Variants in EPHX3 observed in about 807,000 individuals in gnomAD.
EPHX3 encodes epoxide hydrolase 3.
EPHX3 carries 39 observed loss-of-function variants against 40.2 expected under a neutral mutation model. The observed-to-expected ratio is 0.97, with a 90% CI of 0.75 to 1.27. The LOEUF is 1.27. EPHX3 is among the 50% of genes most tolerant of loss of function. The pLI is 0.00. For synonymous variants in EPHX3, 213 were observed against 209.7 expected (o/e 1.02, Z -0.14); for missense variants, 442 against 474.0 (o/e 0.93, Z 0.63).
rs563425133 is a variant in EPHX3 at position 15,231,358 on chromosome 19, C to T, written c.368G>A (p.Arg123His). Residue 123 changes from arginine to histidine, a missense_variant, in exon 3 of 7, where the codon CGC becomes CAC. Coordinates refer to ENST00000221730, the MANE Select transcript of EPHX3 (RefSeq NM_024794.3). ...WRYQLREFQS[R>H]FHVVAVDLRG... ...CAAGTCCACAGCCACAACATGGAAG[C>T]GGCTCTGGAACTCCCGGAGCTGGTA... The T allele has an allele frequency of 2.3e-5, 37 of 1,613,772 alleles. No individual in the cohort carries two copies. Among genetic ancestry groups the T allele is most frequent in the African/African-American group, 8.0e-5 (6 of 74,890 alleles).
upstream of EPHX3, among the ~76,000 whole-genome samples, chr19:15,234,245 A>G (rs2047175523): frequency 6.6e-6 from 1 of 152,226 alleles, no homozygotes; most frequent in South Asian, 2.1e-4. Context: ...ATTTGCCTGA[A>G]GACATACATC....
In EPHX3 at chr19:15,227,281, A is replaced by T; in HGVS notation, c.*156T>A. On this transcript the variant is annotated 3_prime_UTR_variant, in exon 7 of 7. Transcript: ENST00000221730. ...GGTTGGTGTGTCCCGAGGCACCCAT[A>T]GGTGCGCTTGTGTGGGATCCAGGAG... 1.6e-6 allele frequency: 1 copy of T among 644,622 alleles called. No homozygotes were observed. The highest frequency in any genetic ancestry group is 1.8e-5 in the South Asian group (1 of 54,222). 39.9% of individuals were successfully genotyped at this position (644,622 alleles called of 1,614,324 possible). A position where few individuals can be genotyped will look rare whatever the true frequency, so the allele number is the denominator to read the frequency against.
At position 15,227,545 on chromosome 19, in the gene EPHX3, GC is replaced by G. The variant is rs2047120969; in HGVS notation, c.974del (p.Gly325AlafsTer11). ...VEAIGSRFVP[G>X]RLEAHILPGI... ...CTGGCAGGATGTGGGCCTCCAAGCG[GC>G]CCGGCACAAAGCGGCTGCCGATGGC... On this transcript the variant is annotated frameshift_variant, in exon 7 of 7. Transcript: ENST00000221730. LOFTEE classifies it high-confidence loss of function. 1 of 1,613,946 alleles carries G rather than the reference GC, an allele frequency of 6.2e-7. No individual in the cohort carries two copies. The highest frequency in any genetic ancestry group is 1.3e-5 in the African/African-American group (1 of 74,924).
At chr19:15,228,625 T>A (rs1260761636) in intron 4 of EPHX3, among the ~76,000 whole-genome samples, 1 of 147,580 alleles carries the variant, frequency 6.8e-6, no homozygotes. Context: ...TTCACGCCAT[T>A]CTCCTGCCTC....
chr19:15,232,443 A>T lies in EPHX3; in HGVS notation c.-232T>A, dbSNP rs529104456. The T allele has an allele frequency of 7.5e-7, 1 of 1,340,680 alleles. No individual in the cohort carries two copies. The highest frequency in any genetic ancestry group is 9.5e-7 in the Non-Finnish European group (1 of 1,052,524). 83.0% of individuals were successfully genotyped at this position (1,340,680 alleles called of 1,614,324 possible). A position where few individuals can be genotyped will look rare whatever the true frequency, so the allele number is the denominator to read the frequency against. On this transcript the variant is annotated 5_prime_UTR_variant, in exon 1 of 7. Coordinates refer to ENST00000221730, the MANE Select transcript of EPHX3 (RefSeq NM_024794.3). Reference sequence around the variant, plus strand: ...CCTGGGCGCGACAGGGACAGGAAACAAGGGTAGGGTGCGGAGGCTGGGGAG... The same window carrying T: ...CCTGGGCGCGACAGGGACAGGAAACTAGGGTAGGGTGCGGAGGCTGGGGAG...
In EPHX3 at chr19:15,227,534, G is replaced by A; in HGVS notation, c.986C>T (p.Ala329Val). Residue 329 changes from alanine (A) to valine (V), a missense_variant, in exon 7 of 7, where the codon GCC becomes GTC. Ala to Val is a moderately conservative substitution (Grantham distance 64). Transcript: ENST00000221730. ...ATGCCCTATGCCTGGCAGGATGTGG[G>A]CCTCCAAGCGGCCCGGCACAAAGCG... ...GSRFVPGRLE[A>V]HILPGIGHWI... 1.1e-5 allele frequency: 17 copies of A among 1,614,076 alleles called. No individual in the cohort carries two copies. Among genetic ancestry groups the A allele is most frequent in the Non-Finnish European group, 1.4e-5 (17 of 1,180,040 alleles).
upstream of EPHX3, among the ~76,000 whole-genome samples, chr19:15,235,266 A>G (rs1461146140): frequency 2.0e-5 from 3 of 151,824 alleles, no homozygotes; most frequent in Admixed American, 2.0e-4. Flanking sequence ...CCGGCCTCCC[A>G]AAAGTGCTGG....
rs1422770362 is a variant in EPHX3 at position 15,232,128 on chromosome 19, C to G, written c.84G>C (p.Val28=). The part of the protein sequence containing the change: ...KLLRAFMWSL[V]FSVALVAAAV... ...CCGCGGCCACCAGCGCCACCGAGAA[C>G]ACCAGGCTCCACATGAAGGCGCGCA... is the stretch of plus-strand genomic sequence containing the variant. The change falls in exon 1 of 7, where the codon GTG becomes GTC. Residue 28 remains valine (V), a synonymous_variant. Coordinates refer to ENST00000221730, the MANE Select transcript of EPHX3 (RefSeq NM_024794.3). The G allele has an allele frequency of 1.9e-6, 3 of 1,541,614 alleles. No homozygotes were observed. The Admixed American group carries it at 5.8e-5, about 30-fold the overall frequency.
chr19:15,231,318 G>A lies in EPHX3; in HGVS notation c.408C>T (p.Pro136=). Residue 136 remains proline, a synonymous_variant, in exon 3 of 7, where the codon CCC becomes CCT. Coordinates refer to ENST00000221730, the MANE Select transcript of EPHX3 (RefSeq NM_024794.3). ...AGTCCACATCCCGAGGTGCATCCGA[G>A]GGGCCATAGCCTCGCAAGTCCACAG... ...VVAVDLRGYG[P]SDAPRDVDCY... 1.2e-6 allele frequency: 2 copies of A among 1,613,974 alleles called. No homozygotes were observed. The highest frequency in any genetic ancestry group is 1.3e-5 in the African/African-American group (1 of 75,016).
intron 4 of EPHX3, among the ~76,000 whole-genome samples, chr19:15,228,809 G>A (rs1042494744): frequency 2.6e-5 from 4 of 151,518 alleles, no homozygotes; most frequent in Non-Finnish European, 5.9e-5. Flanking sequence ...GTGAACCACC[G>A]CACCCGGCCT....
At chr19:15,229,907 A>AAAAAAAAGAAAAG (rs1203339827) in intron 4 of EPHX3, among the ~76,000 whole-genome samples, 1 of 140,184 alleles carries the variant, frequency 7.1e-6, no homozygotes, top group East Asian at 2.0e-4. Context: ...AAAAAAAAAA[A>AAAAAAAAGAAAAG]AAAAGAAAAG....
upstream of EPHX3, among the ~76,000 whole-genome samples, chr19:15,234,004 GAGCTGAGATTGCGC>G (rs2047173434): frequency 6.6e-6 from 1 of 151,280 alleles, no homozygotes; most frequent in African/African-American, 2.4e-5. Flanking sequence ...AGGTTGCAGT[GAGCTGAGATTGCGC>G]CACTGCACTC....
In EPHX3 at chr19:15,231,793, G is replaced by A; in HGVS notation, c.312C>T (p.His104=). 1.9e-6 allele frequency: 3 copies of A among 1,613,932 alleles called. No homozygotes were observed. Among genetic ancestry groups the A allele is most frequent in the East Asian group, 2.2e-5 (1 of 44,866 alleles). ...RGNGPLMLFL[H]GFPENWFSWR... ...AGACGTACCAGTTCTCAGGGAAGCC[G>A]TGCAGAAACAGCATGAGGGGTCCGT... The change falls in exon 2 of 7, where the codon CAC becomes CAT. Residue 104 remains histidine (H), a synonymous_variant. Coordinates refer to ENST00000221730, the MANE Select transcript of EPHX3 (RefSeq NM_024794.3).
chr19:15,232,102 G>A lies in EPHX3; in HGVS notation c.110C>T (p.Ala37Val), dbSNP rs1320019921. The change falls in exon 1 of 7, where the codon GCG (alanine) becomes GTG (valine). Residue 37 changes from alanine to valine, a missense_variant. Physicochemically the swap from Ala to Val is moderately conservative, Grantham distance 64. Coordinates refer to ENST00000221730, the MANE Select transcript of EPHX3 (RefSeq NM_024794.3). ...LVFSVALVAAAVYGCIALTHV... is the reference protein window; with the variant it reads ...LVFSVALVAAVVYGCIALTHV... ...CGTGAGCGCTATGCAGCCGTAGACC[G>A]CCGCGGCCACCAGCGCCACCGAGAA... 4 of 1,515,310 alleles carry A rather than the reference G, an allele frequency of 2.6e-6. No homozygotes were observed. Among genetic ancestry groups the A allele is most frequent in the Admixed American group, 4.1e-5 (2 of 48,500 alleles). The allele number at this position is 1,515,310 out of a possible 1,614,324, so 93.9% of individuals were successfully genotyped here.
chr19:15,231,641 G>T, intron 2 of EPHX3, 135 bp downstream of exon 2: 1 of 1,031,892 alleles, frequency 9.7e-7, no homozygotes. Context: ...TCCTGGGTAT[G>T]CTGGCTCAGT....
intron 2 of EPHX3, 30 bp from the exon 3 acceptor site, chr19:15,231,426 G>A: frequency 6.2e-7 from 1 of 1,609,292 alleles, no homozygotes; most frequent in Middle Eastern, 1.8e-4. Flanking sequence ...GGGAGGCTGA[G>A]TCAGGGCCCT....
upstream of EPHX3, chr19:15,233,391 A>T (rs368637217): frequency 6.6e-6 from 1 of 152,100 alleles, no homozygotes. Context: ...GGCTCCAAAG[A>T]CCTAGCAGCA....
upstream of EPHX3, among the ~76,000 whole-genome samples, chr19:15,234,525 A>T (rs1188510188): frequency 6.6e-6 from 1 of 152,112 alleles, no homozygotes; most frequent in Non-Finnish European, 1.5e-5. Flanking sequence ...GGCTGGTCTC[A>T]AACTCCTGGC....
chr19:15,233,656 C>T (rs897569425), upstream of EPHX3, among the ~76,000 whole-genome samples: 5 of 152,212 alleles, frequency 3.3e-5, no homozygotes, highest in African/African-American at 1.2e-4. Context: ...CCGAGGAGGA[C>T]CCGGCCTATG....
Sources: gnomAD v4.1 joint callset for allele counts (sites outside exome capture counted in the v4.1 genomes callset) on GRCh38, gnomAD v4.1.1 for gene constraint, MANE v1.5 for transcripts, NCBI Gene and HGNC (gene_info 2026-07-23, HGNC 2026-07-21) for gene names.